Variants in SGCZ observed in about 807,000 individuals in gnomAD.
SGCZ encodes zeta-sarcoglycan.
SGCZ carries 40 observed loss-of-function variants against 41.3 expected under a neutral mutation model. That is an observed-to-expected ratio of 0.97 (90% CI 0.75 to 1.26). SGCZ has a LOEUF of 1.26. SGCZ is among the 50% of genes most tolerant of loss of function. The probability of loss-of-function intolerance (pLI) is 0.00; values close to 1 mark genes in which losing one functional copy is unlikely to be tolerated. For missense variants in SGCZ, 552 were observed against 369.8 expected (o/e 1.49, Z -4.04); for synonymous variants, 206 against 137.5 (o/e 1.50, Z -3.49).
At chr8:14,245,602 A>C (rs546911108) in intron 3 of SGCZ, among the ~76,000 whole-genome samples, 154 of 152,288 alleles carry the variant, frequency 1.0e-3, no homozygotes, top group African/African-American at 3.6e-3. Flanking sequence ...AATGGGATCT[A>C]ATTAAACTAA....
At chr8:14,653,185 T>C (rs1373088076) in intron 1 of SGCZ, among the ~76,000 whole-genome samples, 3 of 152,058 alleles carry the variant, frequency 2.0e-5, no homozygotes, top group African/African-American at 4.8e-5. Flanking sequence ...CTTTGCACTA[T>C]GTTTGGGTCC....
intron 1 of SGCZ, among the ~76,000 whole-genome samples, chr8:14,601,331 A>G (rs929673782): frequency 6.6e-6 from 1 of 152,138 alleles, no homozygotes; most frequent in African/African-American, 2.4e-5. Flanking sequence ...TCTTCTGTAC[A>G]TAAATAAGCT....
At chr8:14,744,299 T>C (rs1220979114) in intron 1 of SGCZ, among the ~76,000 whole-genome samples, 1 of 152,126 alleles carries the variant, frequency 6.6e-6, no homozygotes, top group Admixed American at 6.6e-5. Context: ...AATGTGCCTA[T>C]ATTATTCTAA....
chr8:14,281,932 C>A (rs1006302699), intron 3 of SGCZ, among the ~76,000 whole-genome samples: 6 of 151,928 alleles, frequency 3.9e-5, no homozygotes, highest in African/African-American at 1.4e-4. Flanking sequence ...ATTTTTCCTA[C>A]ACTCCATTTT....
chr8:14,692,651 T>G (rs1241220586), intron 1 of SGCZ, among the ~76,000 whole-genome samples: 1 of 152,204 alleles, frequency 6.6e-6, no homozygotes, highest in Non-Finnish European at 1.5e-5. Context: ...ACAGAAAATT[T>G]GAACTATTTG....
chr8:14,960,119 G>C (rs970707382), intron 1 of SGCZ, among the ~76,000 whole-genome samples: 41 of 152,202 alleles, frequency 2.7e-4, no homozygotes, highest in African/African-American at 9.9e-4. Context: ...ATAATAAAAA[G>C]AATTTCCATA....
chr8:14,808,974 G>A (rs555587621), intron 1 of SGCZ, among the ~76,000 whole-genome samples: 67 of 150,834 alleles, frequency 4.4e-4, no homozygotes, highest in Admixed American at 8.6e-4. Flanking sequence ...GTAAACTATC[G>A]CAAGAACAAA....
chr8:14,807,899 C>T (rs1436183056), intron 1 of SGCZ, among the ~76,000 whole-genome samples: 2 of 152,010 alleles, frequency 1.3e-5, no homozygotes, highest in Non-Finnish European at 2.9e-5. Flanking sequence ...ATCAATGGAA[C>T]AGAACAGAGC....
intron 1 of SGCZ, among the ~76,000 whole-genome samples, chr8:14,747,878 A>AT (rs1180988036): frequency 7.9e-6 from 1 of 126,606 alleles, no homozygotes; most frequent in Non-Finnish European, 1.7e-5. Flanking sequence ...ACAACTGACT[A>AT]ATTTTTTTTT....
chr8:14,320,274 A>G (rs1027307480), intron 3 of SGCZ, among the ~76,000 whole-genome samples: 3 of 151,766 alleles, frequency 2.0e-5, no homozygotes, highest in African/African-American at 2.4e-5. Flanking sequence ...AAGCCTTCAG[A>G]TATCTATGTA....
chr8:15,152,134 G>A (rs1177420946), intron 1 of SGCZ, among the ~76,000 whole-genome samples: 2 of 152,256 alleles, frequency 1.3e-5, no homozygotes, highest in South Asian at 2.1e-4. Flanking sequence ...GAGATGTCCT[G>A]AGATAGCATG....
intron 1 of SGCZ, among the ~76,000 whole-genome samples, chr8:15,051,146 T>C (rs1460172774): frequency 6.6e-6 from 1 of 152,142 alleles, no homozygotes; most frequent in Non-Finnish European, 1.5e-5. Context: ...CTGCAGAAAT[T>C]CAAAGACTTC....
intron 6 of SGCZ, among the ~76,000 whole-genome samples, chr8:14,105,676 C>A (rs17118650): frequency 0.021 from 3,229 of 151,978 alleles, 130 homozygotes; most frequent in African/African-American, 0.075. Context: ...TTAGAACCAG[C>A]TGATAAATCC....
intron 1 of SGCZ, among the ~76,000 whole-genome samples, chr8:14,656,533 TTTTC>T (rs1807581449): frequency 7.3e-6 from 1 of 137,722 alleles, no homozygotes; most frequent in Non-Finnish European, 1.7e-5. Context: ...TTTCTTTCTT[TTTTC>T]TTTCTTTCCC....
At chr8:14,610,308 T>A (rs1805885556) in intron 1 of SGCZ, among the ~76,000 whole-genome samples, 1 of 152,198 alleles carries the variant, frequency 6.6e-6, no homozygotes, top group South Asian at 2.1e-4. Context: ...AACTCCCATG[T>A]GAAAGATGCC....
intron 1 of SGCZ, among the ~76,000 whole-genome samples, chr8:14,563,642 G>C (rs923026093): frequency 6.6e-6 from 1 of 152,092 alleles, no homozygotes; most frequent in African/African-American, 2.4e-5. Context: ...ATTTAAAACT[G>C]GCAATAAGAA....
intron 1 of SGCZ, among the ~76,000 whole-genome samples, chr8:14,678,407 T>C (rs1208733022): frequency 6.6e-6 from 1 of 152,172 alleles, no homozygotes; most frequent in Non-Finnish European, 1.5e-5. Context: ...AAAGAAGATG[T>C]ACCAATGGTA....
At chr8:14,325,908 C>G (rs1052206255) in intron 2 of SGCZ, among the ~76,000 whole-genome samples, 7 of 147,220 alleles carry the variant, frequency 4.8e-5, no homozygotes, top group Non-Finnish European at 7.5e-5. Context: ...GTCAGGAGAT[C>G]AAGACCATTC....
intron 1 of SGCZ, among the ~76,000 whole-genome samples, chr8:14,937,530 T>C (rs1800124072): frequency 6.6e-6 from 1 of 152,030 alleles, no homozygotes; most frequent in Non-Finnish European, 1.5e-5. Flanking sequence ...AGTTATCTCT[T>C]TGTTATATCA....
Sources: allele counts gnomAD v4.1 joint callset (sites outside exome capture counted in the v4.1 genomes callset), GRCh38; gene constraint gnomAD v4.1.1; transcripts MANE v1.5; gene names NCBI Gene and HGNC (gene_info 2026-07-23, HGNC 2026-07-21).